The following GSTZ1 variants were observed in gnomAD, a reference collection of about 807,000 sequenced individuals.
GSTZ1 encodes the protein maleylacetoacetate isomerase.
A neutral mutation model predicts 35.9 loss-of-function variants in GSTZ1; 34 were observed. That is an observed-to-expected ratio of 0.95 (90% confidence interval 0.72 to 1.26). GSTZ1 has a LOEUF of 1.26. Among genes scored for constraint, GSTZ1 ranks in the 50% most tolerant of loss-of-function variants. GSTZ1 has a pLI of 0.00. For synonymous variants in GSTZ1, 93 were observed against 101.2 expected, an observed-to-expected ratio of 0.92 and a Z score of 0.49; for missense variants, 263 against 271.7, an observed-to-expected ratio of 0.97 and a Z score of 0.23.
At chr14:77,328,600 G>A (rs888411) in intron 5 of GSTZ1, 1,897 of 172,978 alleles carry the variant, frequency 0.011, 20 homozygotes, top group Non-Finnish European at 0.015. Flanking sequence ...CCCGCATGTC[G>A]CTTTAACAAA....
At chr14:77,321,338 G>T in intron 1 of GSTZ1, 155 bp downstream of exon 1, 2 of 1,534,644 alleles carry the variant, frequency 1.3e-6, no homozygotes, top group Non-Finnish European at 1.7e-6. Flanking sequence ...TGCGTGCTGC[G>T]CGCTGCCCGC....
At chr14:77,327,584 GA>G (rs755893641) in intron 4 of GSTZ1, 32 bp downstream of exon 4, 1 of 1,387,318 alleles carries the variant, frequency 7.2e-7, no homozygotes, top group Non-Finnish European at 1.0e-6. Context: ...GGGCCCTCAT[GA>G]GAGCAGTGCC....
chr14:77,324,430 G>A (rs1476643396), intron 1 of GSTZ1: 4 of 658,798 alleles, frequency 6.1e-6, no homozygotes, highest in Non-Finnish European at 1.1e-5. Context: ...ACAGGCGTGA[G>A]CCACTGTGCC....
chr14:77,321,077 C>G lies in GSTZ1; in HGVS notation c.-92C>G, dbSNP rs1891900786. Reference sequence around the variant, plus strand: ...CTTTACCCGGACGAAAGACACGGGCCTGATTCGTCGAGTCTCACTGAGCCT... The same window carrying G: ...CTTTACCCGGACGAAAGACACGGGCGTGATTCGTCGAGTCTCACTGAGCCT... On this transcript the variant is annotated 5_prime_UTR_variant, in exon 1 of 9. Coordinates refer to ENST00000216465, the MANE Select transcript of GSTZ1 (RefSeq NM_145870.3). The G allele has an allele frequency of 2.3e-6, 3 of 1,282,970 alleles. No individual in the cohort carries two copies. The highest frequency in any genetic ancestry group is 3.1e-5 in the Admixed American group (1 of 32,746). 79.5% of individuals were successfully genotyped at this position (1,282,970 alleles called of 1,614,324 possible).
In GSTZ1 at chr14:77,331,071, T is replaced by G. The variant is rs1001935849; in HGVS notation, c.527T>G (p.Phe176Cys). The G allele has an allele frequency of 1.2e-6, 2 of 1,613,722 alleles. No homozygotes were observed. The highest frequency in any genetic ancestry group is 1.3e-5 in the African/African-American group (1 of 75,018). Residue 176 changes from phenylalanine (F) to cysteine (C), a missense_variant and splice_region_variant, in exon 9 of 9, where the codon TTC (phenylalanine) becomes TGC (cysteine). Coordinates refer to ENST00000216465, the MANE Select transcript of GSTZ1 (RefSeq NM_145870.3). ...LVPQVANAER[F>C]KVDLTPYPTI... ...TAGCAGGTGTTTCTCTACTACAGAT[T>G]CAAGGTGGATCTCACCCCCTACCCT...
intron 2 of GSTZ1, chr14:77,326,542 G>A: frequency 2.9e-6 from 1 of 343,664 alleles, no homozygotes; most frequent in African/African-American, 2.0e-5. Context: ...GAGTGCCAGG[G>A]CATACACCTT....
chr14:77,321,434 C>T (rs1327856791), intron 1 of GSTZ1: 1 of 1,524,424 alleles, frequency 6.6e-7, no homozygotes, highest in East Asian at 2.5e-5. Flanking sequence ...TGTCCGGTCG[C>T]GCTTCACTTC....
At chr14:77,324,278 G>A in intron 1 of GSTZ1, 1 of 372,422 alleles carries the variant, frequency 2.7e-6, no homozygotes, top group Non-Finnish European at 5.1e-6. Flanking sequence ...GAGTAGCTGA[G>A]ATTACAGGCA....
At chr14:77,321,882 C>CAAA (rs541516245) in intron 1 of GSTZ1, among the ~76,000 whole-genome samples, 18 of 68,168 alleles carry the variant, frequency 2.6e-4, no homozygotes, top group Admixed American at 1.3e-3. Context: ...GACTCCGGCT[C>CAAA]AAAAAAAAAA....
chr14:77,329,035 G>A, intron 5 of GSTZ1, 88 bp from the exon 6 acceptor site: 2 of 910,212 alleles, frequency 2.2e-6, no homozygotes, highest in Non-Finnish European at 3.7e-6. Flanking sequence ...GGGGCAGATG[G>A]GAAGTGAACT....
rs1439079176 is a variant in GSTZ1 at position 77,331,191 on chromosome 14, C to T, written c.647C>T (p.Ala216Val). The T allele has an allele frequency of 3.7e-6, 6 of 1,612,794 alleles. 1 individual carries two copies. The South Asian group carries it at 5.5e-5, about 15-fold the overall frequency. Residue 216 changes from alanine to valine, a missense_variant, in exon 9 of 9, where the codon GCC becomes GTC. Physicochemically the swap from Ala to Val is moderately conservative, Grantham distance 64. Transcript: ENST00000216465. ...RQPDTPTELR[A>V] Reference sequence around the variant, plus strand: ...CCAGATACACCCACTGAGCTGAGGGCCTAGCTCCCAAATCCTGCCCCGTTG... The same window carrying T: ...CCAGATACACCCACTGAGCTGAGGGTCTAGCTCCCAAATCCTGCCCCGTTG...
intron 2 of GSTZ1, chr14:77,326,338 T>C (rs1892311950): frequency 6.5e-6 from 1 of 153,506 alleles, no homozygotes; most frequent in Non-Finnish European, 1.5e-5. Context: ...AAGAGATTCT[T>C]CTCCAACAGA....
intron 1 of GSTZ1, among the ~76,000 whole-genome samples, chr14:77,322,006 A>G (rs999054839): frequency 8.5e-5 from 13 of 152,118 alleles, no homozygotes; most frequent in Non-Finnish European, 2.9e-5. Flanking sequence ...TCTCTGGTGG[A>G]ACGGGCTCGA....
intron 1 of GSTZ1, 33 bp downstream of exon 1, chr14:77,321,216 G>A (rs1406420026): frequency 1.3e-6 from 2 of 1,517,744 alleles, no homozygotes; most frequent in African/African-American, 2.8e-5. Flanking sequence ...GAGGGAAGCT[G>A]GTTAGACACC....
Position 77,331,295 on chromosome 14 carries a change from T to G in GSTZ1, c.*100T>G. ...AGTCTTAATTGAGGAGATGGGAGAC[T>G]CGAACTCTAGCCCTGGATCTGCCTT... On this transcript the variant is annotated 3_prime_UTR_variant, in exon 9 of 9. Coordinates refer to ENST00000216465, the MANE Select transcript of GSTZ1 (RefSeq NM_145870.3). The G allele has an allele frequency of 7.4e-7, 1 of 1,345,176 alleles. No homozygotes were observed. Among genetic ancestry groups the G allele is most frequent in the Non-Finnish European group, 1.0e-6 (1 of 996,926 alleles). The allele number at this position is 1,345,176 out of a possible 1,614,324, so 83.3% of individuals were successfully genotyped here. A position where few individuals can be genotyped will look rare whatever the true frequency, so the allele number is the denominator to read the frequency against.
rs1318826444 is a variant in GSTZ1, at chr14:77,330,244, A to G, written c.475-66A>G. ...TACCCCCAGTAGAGTCGCAGTGGAC[A>G]CACCCAGTCCAGCCACTGACTCTGG... On this transcript the variant is annotated intron_variant, in intron 7 of 8. Coordinates refer to ENST00000216465, the MANE Select transcript of GSTZ1 (RefSeq NM_145870.3). 25 of 1,097,070 alleles carry G rather than the reference A, an allele frequency of 2.3e-5. 1 individual carries two copies. The highest frequency in any genetic ancestry group is 3.2e-5 in the Non-Finnish European group (23 of 708,076). 68.0% of individuals were successfully genotyped at this position (1,097,070 alleles called of 1,614,324 possible).
intron 1 of GSTZ1, 116 bp downstream of exon 1, chr14:77,321,299 A>C: frequency 6.6e-7 from 1 of 1,524,600 alleles, no homozygotes; most frequent in South Asian, 1.2e-5. Context: ...CCCGGCATGC[A>C]GTGCTTTGCG....
intron 1 of GSTZ1, chr14:77,324,215 CCA>C (rs1892183032): frequency 4.8e-6 from 1 of 209,782 alleles, no homozygotes; most frequent in African/African-American, 2.3e-5. Context: ...CGATCTCGGC[CCA>C]CTGTGACCTC....
At chr14:77,322,375 G>A (rs545885740) in intron 1 of GSTZ1, among the ~76,000 whole-genome samples, 1 of 152,316 alleles carries the variant, frequency 6.6e-6, no homozygotes, top group East Asian at 1.9e-4. Context: ...GGCAGAAATT[G>A]CCTAAGAGAT....
Sources: allele counts gnomAD v4.1 joint callset (sites outside exome capture counted in the v4.1 genomes callset), GRCh38; gene constraint gnomAD v4.1.1; transcripts MANE v1.5; gene names NCBI Gene and HGNC (gene_info 2026-07-23, HGNC 2026-07-21).